The following TEX11 variants were observed in gnomAD, a reference collection of about 807,000 sequenced individuals.
The protein encoded by TEX11 is testis expressed 11.
A neutral mutation model predicts 84.4 loss-of-function variants in TEX11; 7 were observed. The ratio of observed to expected loss-of-function variants is 0.08; its 90% CI spans 0.05 to 0.16. TEX11 has a LOEUF of 0.16. Ranked by LOEUF, TEX11 falls within the 10% of genes least tolerant of loss-of-function variation. The pLI is 1.00. For missense variants in TEX11, 551 were observed against 660.5 expected, an observed-to-expected ratio of 0.83 and a Z score of 1.82; for synonymous variants, 264 against 222.8, an observed-to-expected ratio of 1.18 and a Z score of -1.64.
intron 13 of TEX11, among the ~76,000 whole-genome samples, chrX:70,704,094 T>TCTCTCC (rs1234316816): frequency 9.2e-6 from 1 of 109,062 alleles, no homozygotes; most frequent in Non-Finnish European, 1.9e-5. Context: ...TCTCTCTCTC[T>TCTCTCC]CTCTCTCCCT....
chrX:70,539,038 A>ATATATATATATTTT, intron 28 of TEX11, among the ~76,000 whole-genome samples: 1,739 of 41,170 alleles, frequency 0.042, 113 homozygotes, highest in Non-Finnish European at 0.062. Context: ...ATATATATAT[A>ATATATATATATTTT]TTTTTTTTTT....
intron 11 of TEX11, among the ~76,000 whole-genome samples, chrX:70,729,362 A>G (rs1298824191): frequency 3.6e-5 from 4 of 112,137 alleles, no homozygotes; most frequent in Non-Finnish European, 7.5e-5. Flanking sequence ...AACTACGCCA[A>G]GCTAAAGGAG....
intron 25 of TEX11, among the ~76,000 whole-genome samples, chrX:70,562,811 CT>C (rs747363689): frequency 3.8e-4 from 43 of 112,453 alleles, no homozygotes; most frequent in African/African-American, 1.3e-3. Context: ...CATGTTACCC[CT>C]TTATAGGGAA....
chrX:70,615,894 G>GA (rs113309168), intron 20 of TEX11, among the ~76,000 whole-genome samples: 9,148 of 111,412 alleles, frequency 0.082, 847 homozygotes, highest in African/African-American at 0.26. Context: ...AGTGTTGAAG[G>GA]AAAAAACTTT....
At chrX:70,747,093 C>T (rs769916690) in intron 9 of TEX11, among the ~76,000 whole-genome samples, 12 of 112,037 alleles carry the variant, frequency 1.1e-4, no homozygotes, top group Admixed American at 8.5e-4. Flanking sequence ...GGAGACTGTG[C>T]ACATGCTCAA....
At chrX:70,615,737 A>G (rs1295961663) in intron 20 of TEX11, among the ~76,000 whole-genome samples, 7 of 112,079 alleles carry the variant, frequency 6.2e-5, no homozygotes, top group Non-Finnish European at 1.3e-4. Flanking sequence ...AAGACATTTA[A>G]TTATCAAACT....
Position 70,591,785 on chromosome X carries a change from T to G in TEX11, c.2106A>C (p.Thr702=). ...FLSRALEEIQ[T]CNDIHNFLKQ... ...TCAGGAAATTATGGATGTCATTGCA[T>G]GTCTGGATCTCCTCAAGTGCACGAC... The change falls in exon 25 of 30, where the codon ACA becomes ACC. Residue 702 remains threonine, a synonymous_variant. Transcript: ENST00000374333. 1 of 1,210,488 alleles carries G rather than the reference T, an allele frequency of 8.3e-7. No individual in the cohort carries two copies. The highest frequency in any genetic ancestry group is 1.1e-6 in the Non-Finnish European group (1 of 894,621).
chrX:70,516,611 T>A, the TEX11 span, among the ~76,000 whole-genome samples: 1 of 111,722 alleles, frequency 9.0e-6, no homozygotes, highest in Non-Finnish European at 1.9e-5. Flanking sequence ...CGGGCTCTTT[T>A]TTGGTTCCAT....
intron 17 of TEX11, among the ~76,000 whole-genome samples, chrX:70,636,402 C>T (rs1424289336): frequency 6.3e-5 from 7 of 110,441 alleles, no homozygotes; most frequent in Non-Finnish European, 3.8e-5. Flanking sequence ...CTAGTACCAC[C>T]CCAGTAGACC....
intron 5 of TEX11, among the ~76,000 whole-genome samples, chrX:70,853,870 A>G (rs771399912): frequency 1.8e-5 from 2 of 112,114 alleles, no homozygotes; most frequent in Admixed American, 1.9e-4. Context: ...ATCAGGCAAT[A>G]GGCCTCCCCA....
Position 70,797,517 on chromosome X carries a change from CCTATCCACA to C in TEX11, c.692+9179_692+9187del, listed in dbSNP as rs2091162338. Among the ~76,000 whole-genome samples, 12 of 110,194 alleles carry C rather than the reference CCTATCCACA, an allele frequency of 1.1e-4. No individual in the cohort carries two copies. The South Asian group carries it at 4.7e-3, about 43-fold the overall frequency. ...TTCCCTAAAAATGAAGAGGAAAGAA[CCTATCCACA>C]CTCATTCTATGAGGCCAGCATTACC... On this transcript the variant is annotated intron_variant, in intron 9 of 29. Transcript: ENST00000374333.
At chrX:70,639,393 A>G (rs1428321748) in intron 17 of TEX11, among the ~76,000 whole-genome samples, 6 of 112,029 alleles carry the variant, frequency 5.4e-5, no homozygotes, top group African/African-American at 1.9e-4. Flanking sequence ...GCAGCCGGGA[A>G]GCTCGAACTG....
intron 11 of TEX11, among the ~76,000 whole-genome samples, chrX:70,731,331 C>CA (rs1398376211): frequency 9.0e-6 from 1 of 110,941 alleles, no homozygotes; most frequent in Non-Finnish European, 1.9e-5. Context: ...AATAGAGACA[C>CA]AAAAAAGCCT....
intron 3 of TEX11, among the ~76,000 whole-genome samples, chrX:70,876,404 G>T (rs772515222): frequency 9.0e-6 from 1 of 111,188 alleles, no homozygotes; most frequent in South Asian, 3.8e-4. Flanking sequence ...GTGTTAGAAA[G>T]GATAAGATAA....
intron 28 of TEX11, among the ~76,000 whole-genome samples, chrX:70,542,602 G>A (rs780740049): frequency 8.9e-6 from 1 of 111,871 alleles, no homozygotes; most frequent in Non-Finnish European, 1.9e-5. Flanking sequence ...GCTGTTGGAG[G>A]TTGTACGAGA....
At chrX:70,903,374 C>A (rs967245387) in intron 2 of TEX11, among the ~76,000 whole-genome samples, 1 of 110,899 alleles carries the variant, frequency 9.0e-6, no homozygotes, top group Non-Finnish European at 1.9e-5. Flanking sequence ...ACACCAGCAT[C>A]ACCACAAACA....
chrX:70,678,686 TG>T, intron 15 of TEX11, 117 bp downstream of exon 15: 1 of 535,979 alleles, frequency 1.9e-6, no homozygotes, highest in Non-Finnish European at 3.1e-6. Context: ...AATAAATATA[TG>T]GTATCTAAAC....
intron 20 of TEX11, among the ~76,000 whole-genome samples, chrX:70,614,569 G>A (rs1264850408): frequency 8.9e-6 from 1 of 111,964 alleles, no homozygotes; most frequent in Non-Finnish European, 1.9e-5. Flanking sequence ...GGACTCACCT[G>A]GGGCCTGGGG....
Position 70,833,602 on chromosome X carries a change from G to A in TEX11, c.526-9C>T. 4 of 1,172,530 alleles carry A rather than the reference G, an allele frequency of 3.4e-6. No individual in the cohort carries two copies. The highest frequency in any genetic ancestry group is 4.6e-6 in the Non-Finnish European group (4 of 865,146). On this transcript the variant is annotated splice_polypyrimidine_tract_variant and intron_variant, in intron 7 of 29. Coordinates refer to ENST00000374333, the MANE Select transcript of TEX11 (RefSeq NM_031276.3). The stretch of plus-strand genomic sequence containing the variant: ...TCCCCTTGAGCAACTGCCTGAAAAA[G>A]ATAAAGAATGTCAATAATTGGTTAA...
Sources: gnomAD v4.1 joint callset for allele counts (sites outside exome capture counted in the v4.1 genomes callset) on GRCh38, gnomAD v4.1.1 for gene constraint, MANE v1.5 for transcripts, NCBI Gene and HGNC (gene_info 2026-07-23, HGNC 2026-07-21) for gene names.